PTPN4: variants seen among roughly 807,000 people sequenced by gnomAD.
PTPN4 encodes tyrosine-protein phosphatase non-receptor type 4.
A neutral mutation model predicts 135.5 loss-of-function variants in PTPN4; 49 were observed. That is an observed-to-expected ratio of 0.36 (90% CI 0.29 to 0.46). The LOEUF (loss-of-function observed/expected upper bound fraction) is 0.46, where lower values mean the gene tolerates loss of function less well. PTPN4 is among the 20% of genes least tolerant of loss of function. The pLI is 1.00. For synonymous variants in PTPN4, 333 were observed against 369.9 expected (o/e 0.90, Z 1.14); for missense variants, 860 against 1,101.0 (o/e 0.78, Z 3.10).
chr2:119,887,541 G>C (rs1322445053), intron 9 of PTPN4, among the ~76,000 whole-genome samples: 2 of 152,296 alleles, frequency 1.3e-5, no homozygotes, highest in East Asian at 3.9e-4. Context: ...ATTGTCTTGA[G>C]TTGATTTTTG....
In PTPN4 at chr2:119,868,965, A is replaced by G. The variant is rs573455633; in HGVS notation, c.246+6322A>G. Among the ~76,000 whole-genome samples, 5 of 152,300 alleles carry G rather than the reference A, an allele frequency of 3.3e-5. No individual in the cohort carries two copies. The South Asian group carries it at 6.2e-4, about 19-fold the overall frequency. On this transcript the variant is annotated intron_variant, in intron 3 of 26. Transcript: ENST00000263708. ...TCTCCCCGACTGAGCTGGTCTCGGC[A>G]TATACCACTGAGAAATCCCACTTTT...
chr2:119,790,649 G>T (rs888383663), intron 1 of PTPN4, among the ~76,000 whole-genome samples: 3 of 152,016 alleles, frequency 2.0e-5, no homozygotes, highest in African/African-American at 7.2e-5. Flanking sequence ...GCTCATCTCT[G>T]CCTTTTGATT....
intron 26 of PTPN4, among the ~76,000 whole-genome samples, chr2:119,974,542 C>T: frequency 6.6e-6 from 1 of 152,086 alleles, no homozygotes; most frequent in East Asian, 1.9e-4. Flanking sequence ...TCCAGATTGT[C>T]CTATTTTTGG....
chr2:119,800,017 C>T (rs1261014547), intron 1 of PTPN4, among the ~76,000 whole-genome samples: 2 of 151,960 alleles, frequency 1.3e-5, no homozygotes, highest in Non-Finnish European at 1.5e-5. Context: ...AATTGTGAGT[C>T]GATACATTCT....
At chr2:119,915,292 T>C in intron 11 of PTPN4, 50 bp downstream of exon 11, 1 of 1,413,846 alleles carries the variant, frequency 7.1e-7, no homozygotes, top group Non-Finnish European at 9.5e-7. Context: ...TTTTAAGAAA[T>C]ACCCATTCAT....
intron 3 of PTPN4, among the ~76,000 whole-genome samples, chr2:119,870,862 T>C (rs1381169958): frequency 6.6e-6 from 1 of 152,224 alleles, no homozygotes; most frequent in Middle Eastern, 3.4e-3. Context: ...ATATTTGTTA[T>C]GATCATCCTA....
chr2:119,851,411 A>G (rs1677589065), intron 2 of PTPN4, among the ~76,000 whole-genome samples: 1 of 152,190 alleles, frequency 6.6e-6, no homozygotes, highest in African/African-American at 2.4e-5. Context: ...AAGAGACCCA[A>G]GTGGGCACCA....
chr2:119,965,076 C>G (rs1006691458), intron 24 of PTPN4, among the ~76,000 whole-genome samples: 2 of 151,964 alleles, frequency 1.3e-5, no homozygotes, highest in Non-Finnish European at 2.9e-5. Flanking sequence ...AAGTTAAGAT[C>G]GTTGATTGGT....
chr2:119,887,355 T>C (rs990441157), intron 9 of PTPN4, among the ~76,000 whole-genome samples: 6 of 152,036 alleles, frequency 3.9e-5, no homozygotes, highest in Non-Finnish European at 7.4e-5. Context: ...GGCATGGTGG[T>C]GCATGCCTGT....
At chr2:119,942,353 G>A (rs1416315797) in intron 15 of PTPN4, among the ~76,000 whole-genome samples, 1 of 152,130 alleles carries the variant, frequency 6.6e-6, no homozygotes, top group Non-Finnish European at 1.5e-5. Context: ...GCCCATACAG[G>A]TTTGGCTCAC....
At chr2:119,916,662 C>G (rs950820905) in intron 11 of PTPN4, 12 of 152,128 alleles carry the variant, frequency 7.9e-5, no homozygotes, top group African/African-American at 2.9e-4. Context: ...GAGCTGATGC[C>G]CACTTCCAGT....
intron 12 of PTPN4, among the ~76,000 whole-genome samples, chr2:119,923,129 T>G (rs780988501): frequency 2.0e-5 from 3 of 152,174 alleles, no homozygotes; most frequent in Non-Finnish European, 4.4e-5. Flanking sequence ...ATCTCAGTGT[T>G]GTGGGAGACC....
At chr2:119,809,134 T>G (rs80256308) in intron 1 of PTPN4, among the ~76,000 whole-genome samples, 3,841 of 152,104 alleles carry the variant, frequency 0.025, 163 homozygotes, top group African/African-American at 0.087. Context: ...TATAAGTCAG[T>G]GTTTCAAAGA....
At chr2:119,943,114 A>C (rs1201079888) in intron 15 of PTPN4, among the ~76,000 whole-genome samples, 1 of 152,220 alleles carries the variant, frequency 6.6e-6, no homozygotes, top group Non-Finnish European at 1.5e-5. Flanking sequence ...ATTTTATACC[A>C]TGTTATAAAA....
chr2:119,843,035 G>A (rs939055636), intron 2 of PTPN4, among the ~76,000 whole-genome samples: 2 of 152,056 alleles, frequency 1.3e-5, no homozygotes, highest in African/African-American at 2.4e-5. Flanking sequence ...AAGTTATCAC[G>A]AACGAATGTT....
intron 11 of PTPN4, among the ~76,000 whole-genome samples, chr2:119,917,419 C>T (rs1292688989): frequency 6.6e-6 from 1 of 152,108 alleles, no homozygotes; most frequent in African/African-American, 2.4e-5. Flanking sequence ...TACAACCTGT[C>T]TGATAGGAGA....
intron 22 of PTPN4, among the ~76,000 whole-genome samples, chr2:119,958,572 T>A (rs1376314015): frequency 6.6e-6 from 1 of 152,190 alleles, no homozygotes; most frequent in African/African-American, 2.4e-5. Flanking sequence ...TCACTGTATA[T>A]GTCAGTTGAG....
chr2:119,804,889 CCCA>C (rs1211558624), intron 1 of PTPN4, among the ~76,000 whole-genome samples: 3 of 152,204 alleles, frequency 2.0e-5, no homozygotes, highest in African/African-American at 4.8e-5. Context: ...AGTTTACACT[CCCA>C]CCAACAGTGT....
intron 2 of PTPN4, among the ~76,000 whole-genome samples, chr2:119,840,605 G>A (rs1201703182): frequency 6.6e-6 from 1 of 152,204 alleles, no homozygotes; most frequent in Admixed American, 6.5e-5. Context: ...TATGTACCCA[G>A]TAATGGGATT....
Sources: allele counts gnomAD v4.1 joint callset (sites outside exome capture counted in the v4.1 genomes callset), GRCh38; gene constraint gnomAD v4.1.1; transcripts MANE v1.5; gene names NCBI Gene and HGNC (gene_info 2026-07-23, HGNC 2026-07-21).